Variants in COL12A1 observed in about 807,000 individuals in gnomAD.
COL12A1 encodes the protein collagen alpha-1(XII) chain.
A neutral mutation model predicts 349.7 loss-of-function variants in COL12A1; 114 were observed. The observed-to-expected ratio is 0.33, with a 90% CI of 0.28 to 0.38. The LOEUF (loss-of-function observed/expected upper bound fraction) is 0.38, where lower values mean the gene tolerates loss of function less well. Ranked by LOEUF, COL12A1 falls within the 10% of genes least tolerant of loss-of-function variation. The pLI, the probability that COL12A1 is intolerant of heterozygous loss-of-function variation, is 1.00. For missense variants in COL12A1, 3,284 were observed against 3,756.9 expected (o/e 0.87, Z 3.29); for synonymous variants, 1,369 against 1,329.0 (o/e 1.03, Z -0.66).
At chr6:75,170,959 T>C (rs1452764277) in intron 13 of COL12A1, among the ~76,000 whole-genome samples, 1 of 152,166 alleles carries the variant, frequency 6.6e-6, no homozygotes, top group African/African-American at 2.4e-5. Context: ...TTCTAAAAAG[T>C]CATATTTTCC....
intron 17 of COL12A1, among the ~76,000 whole-genome samples, chr6:75,154,042 T>C (rs1041452268): frequency 6.6e-6 from 1 of 151,958 alleles, no homozygotes; most frequent in African/African-American, 2.4e-5. Context: ...TTAAATTTAA[T>C]ATTTAAATGC....
intron 38 of COL12A1, among the ~76,000 whole-genome samples, chr6:75,127,567 C>T (rs1766078634): frequency 1.3e-5 from 2 of 152,172 alleles, no homozygotes; most frequent in Admixed American, 6.5e-5. Flanking sequence ...TAGAGTTCAT[C>T]CTACCTTTAT....
In COL12A1 at chr6:75,097,440, T is replaced by C. The variant is rs562982278; in HGVS notation, c.8524-134A>G. 3.9e-4 allele frequency: 213 copies of C among 545,946 alleles called. 2 individuals carry two copies. The South Asian group carries it at 7.4e-3, about 19-fold the overall frequency. The allele number at this position is 545,946 out of a possible 1,614,324, so 33.8% of individuals were successfully genotyped here. On this transcript the variant is annotated intron_variant, in intron 58 of 65. Transcript: ENST00000322507. ...AACATGCTGTTTGGGAGGTAAGCTTTCAATAAAAAGACAAACAGCAAAAAA... is the reference window on the plus strand; with the variant it reads ...AACATGCTGTTTGGGAGGTAAGCTTCCAATAAAAAGACAAACAGCAAAAAA...
At chr6:75,170,540 T>C (rs1466052121) in intron 13 of COL12A1, among the ~76,000 whole-genome samples, 1 of 152,242 alleles carries the variant, frequency 6.6e-6, no homozygotes, top group African/African-American at 2.4e-5. Context: ...AACAATTAAA[T>C]TACCATTCAA....
intron 17 of COL12A1, 105 bp from the exon 18 acceptor site, chr6:75,152,587 C>G: frequency 1.5e-6 from 2 of 1,297,982 alleles, no homozygotes; most frequent in Non-Finnish European, 1.1e-6. Context: ...TTGCCTGTCT[C>G]AGTACTATGG....
At chr6:75,190,634 T>C (rs1769879206) in intron 5 of COL12A1, among the ~76,000 whole-genome samples, 1 of 151,980 alleles carries the variant, frequency 6.6e-6, no homozygotes, top group Non-Finnish European at 1.5e-5. Context: ...AGGTTGGTTT[T>C]ATGAAAATCT....
At position 75,147,823 on chromosome 6, in the gene COL12A1, CAG is replaced by C. The variant is rs748390177; in HGVS notation, c.4288-21_4288-20del. On this transcript the variant is annotated intron_variant, in intron 22 of 65. Coordinates refer to ENST00000322507, the MANE Select transcript of COL12A1 (RefSeq NM_004370.6). ...CATAAAACTAGGGGGAAAAATTAAA[CAG>C]AGCAACAACGTATGTATAATCAGTT... 4.3e-6 allele frequency: 7 copies of C among 1,610,684 alleles called. No homozygotes were observed. The South Asian group carries it at 6.6e-5, about 15-fold the overall frequency.
At chr6:75,159,792 TAA>T (rs796432872) in intron 14 of COL12A1, among the ~76,000 whole-genome samples, 3 of 151,660 alleles carry the variant, frequency 2.0e-5, no homozygotes, top group Non-Finnish European at 2.9e-5. Flanking sequence ...AAAAGAAACT[TAA>T]GTTTCAAAAA....
Position 75,143,400 on chromosome 6 carries a change from C to G in COL12A1, c.4691-12G>C. 6.2e-7 allele frequency: 1 copy of G among 1,611,008 alleles called. No individual in the cohort carries two copies. The highest frequency in any genetic ancestry group is 8.5e-7 in the Non-Finnish European group (1 of 1,179,252). ...TCTGGGTAAAGGCACTAGAGAAGCA[C>G]GAGATATTAAATCCAGATGTGCTTC... On this transcript the variant is annotated splice_polypyrimidine_tract_variant and intron_variant, in intron 25 of 65. Transcript: ENST00000322507.
intron 55 of COL12A1, among the ~76,000 whole-genome samples, chr6:75,103,478 C>T (rs553921564): frequency 6.6e-6 from 1 of 152,164 alleles, no homozygotes; most frequent in Non-Finnish European, 1.5e-5. Context: ...GTGGGTACCC[C>T]CTCTGCTTCC....
intron 39 of COL12A1, among the ~76,000 whole-genome samples, 187 bp from the exon 40 acceptor site, chr6:75,125,460 C>A (rs1765967568): frequency 6.6e-6 from 1 of 152,082 alleles, no homozygotes; most frequent in South Asian, 2.1e-4. Context: ...GACACTGAAT[C>A]CTTCACCCTC....
intron 10 of COL12A1, 66 bp from the exon 11 acceptor site, chr6:75,181,277 T>C (rs1769275574): frequency 7.0e-7 from 1 of 1,435,050 alleles, no homozygotes; most frequent in East Asian, 2.3e-5. Flanking sequence ...GTAACCAATA[T>C]TTCAATGTTT....
At chr6:75,202,347 G>A (rs1770573912) in intron 2 of COL12A1, among the ~76,000 whole-genome samples, 1 of 152,216 alleles carries the variant, frequency 6.6e-6, no homozygotes, top group African/African-American at 2.4e-5. Flanking sequence ...CCCGCTCTTC[G>A]GGGCTCCTGG....
At chr6:75,187,630 G>C (rs1243472927) in intron 8 of COL12A1, among the ~76,000 whole-genome samples, 1 of 152,074 alleles carries the variant, frequency 6.6e-6, no homozygotes, top group Non-Finnish European at 1.5e-5. Flanking sequence ...TGAACATTTT[G>C]ACAAAATGTT....
chr6:75,174,362 C>T (rs12192456), intron 13 of COL12A1, among the ~76,000 whole-genome samples: 7,585 of 152,154 alleles, frequency 0.05, 263 homozygotes, highest in Middle Eastern at 0.11. Flanking sequence ...CGAGATCATC[C>T]TGGCTAACAT....
rs773654487 is a variant in COL12A1 at position 75,143,346 on chromosome 6, G to A, written c.4733C>T (p.Thr1578Ile). 6.2e-7 allele frequency: 1 copy of A among 1,613,722 alleles called. No individual in the cohort carries two copies. Residue 1578 changes from threonine (T) to isoleucine (I), a missense_variant, in exon 26 of 66, where the codon ACT becomes ATT. Around this residue, in one of 2 missense-constraint regions of COL12A1, gnomAD observed 2,601 missense variants for 2,824.8 expected, o/e 0.92. Transcript: ENST00000322507. ...CCAAAAGACATTCATAGTGCTGTGA[G>A]TCACATCTCTGAGTTTCAGATCCTG... ...RPQDLKLRDV[T>I]HSTMNVFWEP... is the part of the protein sequence containing the mutation.
chr6:75,143,760 A>C (rs1382674144), intron 25 of COL12A1, among the ~76,000 whole-genome samples: 2 of 152,214 alleles, frequency 1.3e-5, no homozygotes, highest in African/African-American at 4.8e-5. Flanking sequence ...CAGAAAACAA[A>C]ATCAATAGAG....
Position 75,184,004 on chromosome 6 carries a change from G to C in COL12A1, c.1138C>G (p.Leu380Val), listed in dbSNP as rs374497427. Reference protein sequence around the residue: ...PMTAGSRQHALSVGPQTTTLS... With the variant: ...PMTAGSRQHAVSVGPQTTTLS... ...GTGGTTGTCTGAGGCCCCACACTCA[G>C]AGCGTGCTGTCGGCTTCCTGCAGTC... Residue 380 changes from leucine to valine, a missense_variant, in exon 9 of 66, where the codon CTG becomes GTG. Around this residue, in one of 2 missense-constraint regions of COL12A1, gnomAD observed 2,601 missense variants for 2,824.8 expected, o/e 0.92. Coordinates refer to ENST00000322507, the MANE Select transcript of COL12A1 (RefSeq NM_004370.6). 6 of 1,614,080 alleles carry C rather than the reference G, an allele frequency of 3.7e-6. No homozygotes were observed. The Admixed American group carries it at 5.0e-5, about 13-fold the overall frequency.
chr6:75,191,821 TAGA>T, intron 4 of COL12A1, 61 bp from the exon 5 acceptor site: 3 of 1,067,404 alleles, frequency 2.8e-6, no homozygotes, highest in Non-Finnish European at 3.9e-6. Context: ...CTCTTTAAAA[TAGA>T]ATAAATATAT....
Sources: gnomAD v4.1 joint callset for allele counts (sites outside exome capture counted in the v4.1 genomes callset) on GRCh38, gnomAD v4.1.1 for gene constraint, gnomAD v4.1.1 regional missense constraint, MANE v1.5 for transcripts, NCBI Gene and HGNC (gene_info 2026-07-23, HGNC 2026-07-21) for gene names.